PACS2: variants seen among roughly 807,000 people sequenced by gnomAD.
The protein encoded by PACS2 is phosphofurin acidic cluster sorting protein 2.
A neutral mutation model predicts 113.0 loss-of-function variants in PACS2; 36 were observed. The observed-to-expected ratio is 0.32, with a 90% confidence interval of 0.24 to 0.42. The LOEUF (loss-of-function observed/expected upper bound fraction) is 0.42, where lower values mean the gene tolerates loss of function less well. PACS2 is among the 10% of genes least tolerant of loss of function. The pLI is 1.00. For synonymous variants in PACS2, 589 were observed against 536.1 expected, an observed-to-expected ratio of 1.10 and a Z score of -1.36; for missense variants, 1,015 against 1,239.5, an observed-to-expected ratio of 0.82 and a Z score of 2.72.
chr14:105,301,593 A>G (rs1406576924), intron 1 of PACS2, among the ~76,000 whole-genome samples: 1 of 152,040 alleles, frequency 6.6e-6, no homozygotes, highest in Non-Finnish European at 1.5e-5. Context: ...CGCCCTCCGC[A>G]TTTGCGGCGT....
intron 9 of PACS2, among the ~76,000 whole-genome samples, chr14:105,378,183 A>G (rs1322756821): frequency 1.3e-5 from 2 of 152,100 alleles, no homozygotes; most frequent in Admixed American, 6.5e-5. Flanking sequence ...ACGTGATTCC[A>G]TAGGAGACAT....
intron 8 of PACS2, among the ~76,000 whole-genome samples, chr14:105,373,085 T>A (rs1394453276): frequency 1.3e-5 from 2 of 152,126 alleles, no homozygotes; most frequent in Non-Finnish European, 2.9e-5. Context: ...AAAGAAGATA[T>A]AAATAAGTGG....
At chr14:105,338,622 C>T (rs1281881586) in intron 1 of PACS2, among the ~76,000 whole-genome samples, 2 of 152,176 alleles carry the variant, frequency 1.3e-5, no homozygotes, top group Non-Finnish European at 2.9e-5. Flanking sequence ...CCCTCACCTC[C>T]CGTTCCCAGG....
At chr14:105,334,007 T>A (rs1239517700) in intron 1 of PACS2, among the ~76,000 whole-genome samples, 1 of 152,232 alleles carries the variant, frequency 6.6e-6, no homozygotes, top group Non-Finnish European at 1.5e-5. Flanking sequence ...TCAGGGCCCT[T>A]CCTGCCTGGG....
chr14:105,379,995 C>G, intron 10 of PACS2, 85 bp from the exon 11 acceptor site: 1 of 1,385,874 alleles, frequency 7.2e-7, no homozygotes, highest in African/African-American at 1.4e-5. Flanking sequence ...CCGGGCCTCC[C>G]TGAGTCCCAG....
At chr14:105,362,236 G>A (rs1234261512) in intron 4 of PACS2, among the ~76,000 whole-genome samples, 8 of 150,710 alleles carry the variant, frequency 5.3e-5, no homozygotes, top group East Asian at 2.0e-4. Context: ...GGCTAACACA[G>A]TGAAACACCG....
intron 1 of PACS2, among the ~76,000 whole-genome samples, chr14:105,347,046 G>A (rs1284362243): frequency 3.9e-5 from 5 of 129,860 alleles, no homozygotes. Flanking sequence ...CCTGTTGTCC[G>A]CTGTCCCCGT....
rs1234864780 is a variant in PACS2, at chr14:105,366,717, G to C, written c.424-496G>C. ...CACAGACACTGGTCCCTGGGCATTGGCTCCTGTGGGTTGGGCAGCCGGCTT... is the reference window on the plus strand; with the variant it reads ...CACAGACACTGGTCCCTGGGCATTGCCTCCTGTGGGTTGGGCAGCCGGCTT... On this transcript the variant is annotated intron_variant, in intron 4 of 24. Coordinates refer to ENST00000447393, the MANE Select transcript of PACS2 (RefSeq NM_001100913.3). The surrounding 1 kb of genome is among the most constrained non-coding windows in gnomAD (Gnocchi z 4.3). Among the ~76,000 whole-genome samples the C allele has an allele frequency of 1.3e-5, 2 of 152,230 alleles. No individual in the cohort carries two copies. Among genetic ancestry groups the C allele is most frequent in the African/African-American group, 4.8e-5 (2 of 41,464 alleles).
rs919905812 is a variant in PACS2 at position 105,357,489 on chromosome 14, G to A, written c.423+2312G>A. 6.6e-6 allele frequency among the ~76,000 whole-genome samples: 1 copy of A among 152,002 alleles called. No homozygotes were observed. The highest frequency in any genetic ancestry group is 1.5e-5 in the Non-Finnish European group (1 of 68,012). ...CCTCCAGCATCTCCTCCAGGCCCTC[G>A]GGGCATCCTTCCACCTTCCACTGGC... On this transcript the variant is annotated intron_variant, in intron 4 of 24. Coordinates refer to ENST00000447393, the MANE Select transcript of PACS2 (RefSeq NM_001100913.3). This position sits in a 1 kb window ranked among gnomAD's most constrained non-coding sequence, Gnocchi z 5.1.
chr14:105,377,878 T>G (rs1230364770), intron 9 of PACS2, among the ~76,000 whole-genome samples: 1 of 152,212 alleles, frequency 6.6e-6, no homozygotes, highest in Admixed American at 6.5e-5. Flanking sequence ...GGTGGAGGTA[T>G]TGGTGGCTGC....
At chr14:105,318,907 G>A (rs1228214176) in intron 1 of PACS2, among the ~76,000 whole-genome samples, 17 of 151,748 alleles carry the variant, frequency 1.1e-4, no homozygotes, top group African/African-American at 3.4e-4. Flanking sequence ...TGATCCGCCC[G>A]CCTCAGCCTC....
At chr14:105,363,752 G>C (rs2060818615) in intron 4 of PACS2, among the ~76,000 whole-genome samples, 1 of 152,040 alleles carries the variant, frequency 6.6e-6, no homozygotes, top group African/African-American at 2.4e-5. Context: ...TAGTATAAGG[G>C]GCCTCGCCCT....
chr14:105,372,047 G>C (rs1190551838), intron 8 of PACS2: 1 of 152,280 alleles, frequency 6.6e-6, no homozygotes, highest in Non-Finnish European at 1.5e-5. Flanking sequence ...TTGGTGGTCA[G>C]GTTTCAGTGT....
At chr14:105,322,543 G>C (rs1258161140) in intron 1 of PACS2, among the ~76,000 whole-genome samples, 8 of 152,238 alleles carry the variant, frequency 5.3e-5, no homozygotes, top group Non-Finnish European at 1.2e-4. Flanking sequence ...TGGGATTACA[G>C]GCATAAGCCA....
rs782403133 is a variant in PACS2, at chr14:105,355,743, C to T, written c.423+566C>T. Among the ~76,000 whole-genome samples, 16 of 152,216 alleles carry T rather than the reference C, an allele frequency of 1.1e-4. No individual in the cohort carries two copies. Among genetic ancestry groups the T allele is most frequent in the Non-Finnish European group, 1.9e-4 (13 of 68,034 alleles). ...AAAAGGAAAAGAAACAGCCAAGCAG[C>T]AGCCCACCTTGCTCCAGAGAACCCA... On this transcript the variant is annotated intron_variant, in intron 4 of 24. Coordinates refer to ENST00000447393, the MANE Select transcript of PACS2 (RefSeq NM_001100913.3). This position sits in a 1 kb window ranked among gnomAD's most constrained non-coding sequence, Gnocchi z 4.1.
intron 1 of PACS2, among the ~76,000 whole-genome samples, chr14:105,343,002 A>G (rs1253269055): frequency 3.3e-5 from 5 of 150,426 alleles, no homozygotes; most frequent in African/African-American, 1.2e-4. Flanking sequence ...TTTCGTATGC[A>G]GCTCTGAGCT....
At chr14:105,312,668 A>G (rs775097467), upstream of PACS2, among the ~76,000 whole-genome samples, 81 of 152,218 alleles carry the variant, frequency 5.3e-4, no homozygotes, top group Non-Finnish European at 1.0e-3. Context: ...GCACAGCATC[A>G]TTTTCCGACA....
In PACS2 at chr14:105,396,687, G is replaced by C. The variant is rs1300955589; in HGVS notation, c.*2015G>C. ...GGCTATTTTTTTTGTATTTTTAGTA[G>C]AGATGGGGTTTTGCCATGTTGGCCA... On this transcript the variant is annotated 3_prime_UTR_variant, in exon 25 of 25. Transcript: ENST00000447393. 1 of 151,936 alleles carries C rather than the reference G, an allele frequency of 6.6e-6. No homozygotes were observed. Among genetic ancestry groups the C allele is most frequent in the Non-Finnish European group, 1.5e-5 (1 of 68,024 alleles). 9.4% of individuals were successfully genotyped at this position (151,936 alleles called of 1,614,324 possible). A position where few individuals can be genotyped will look rare whatever the true frequency, so the allele number is the denominator to read the frequency against.
intron 8 of PACS2, among the ~76,000 whole-genome samples, chr14:105,374,421 G>A (rs925824552): frequency 1.3e-5 from 2 of 152,180 alleles, no homozygotes; most frequent in South Asian, 2.1e-4. Context: ...GTGATAAGGG[G>A]CTTGAATCCA....
Sources: gnomAD v4.1 joint callset for allele counts (sites outside exome capture counted in the v4.1 genomes callset) on GRCh38, gnomAD v4.1.1 for gene constraint, Gnocchi (gnomAD v3.1) non-coding constraint, MANE v1.5 for transcripts, NCBI Gene and HGNC (gene_info 2026-07-23, HGNC 2026-07-21) for gene names.